KDM4B: variants seen among roughly 807,000 people sequenced by gnomAD.
KDM4B encodes lysine demethylase 4B.
In KDM4B, 32 loss-of-function variants were observed where a neutral mutation model predicts 125.2. The ratio of observed to expected loss-of-function variants is 0.26; its 90% CI spans 0.19 to 0.34. KDM4B has a LOEUF of 0.34. KDM4B is among the 10% of genes least tolerant of loss of function. The pLI is 1.00. For missense variants in KDM4B, 1,190 were observed against 1,577.7 expected, an observed-to-expected ratio of 0.75 and a Z score of 4.16; for synonymous variants, 721 against 677.9, an observed-to-expected ratio of 1.06 and a Z score of -0.99.
Position 5,082,209 on chromosome 19 carries a change from G to GCCCTGGAGC in KDM4B, c.781-147_781-139dup, listed in dbSNP as rs1363054248. On this transcript the variant is annotated intron_variant, in intron 8 of 22. Transcript: ENST00000159111. The surrounding 1 kb of genome is among the most constrained non-coding windows in gnomAD (Gnocchi z 5.4). ...TGAGCCGCGTGGGAAATGGGCTGGAGCCCTGGAGCCCCTGGAGCCGCTGGA... is the reference window on the plus strand; with the variant it reads ...TGAGCCGCGTGGGAAATGGGCTGGAGCCCTGGAGCCCCTGGAGCCCCTGGAGCCGCTGGA... Among the ~76,000 whole-genome samples the GCCCTGGAGC allele has an allele frequency of 2.0e-5, 3 of 152,300 alleles. No individual in the cohort carries two copies. The East Asian group carries it at 5.8e-4, about 29-fold the overall frequency.
intron 9 of KDM4B, among the ~76,000 whole-genome samples, chr19:5,091,822 G>A (rs1178171747): frequency 6.6e-6 from 1 of 152,178 alleles, no homozygotes; most frequent in African/African-American, 2.4e-5. Flanking sequence ...ACCCGCTGGA[G>A]CCCACGGCTG....
At chr19:5,113,769 G>A in intron 10 of KDM4B, 1 of 482,018 alleles carries the variant, frequency 2.1e-6, no homozygotes, top group Non-Finnish European at 2.7e-6. Context: ...CCCCGCGTGG[G>A]AACCCCTGCC....
chr19:4,986,676 G>C (rs1296115065), intron 1 of KDM4B, among the ~76,000 whole-genome samples: 3 of 152,226 alleles, frequency 2.0e-5, no homozygotes, highest in Non-Finnish European at 4.4e-5. Context: ...GGGGAACAGG[G>C]AGGGCCTCTC....
intron 6 of KDM4B, among the ~76,000 whole-genome samples, chr19:5,058,668 C>G (rs1175089684): frequency 2.0e-5 from 3 of 152,244 alleles, no homozygotes; most frequent in Non-Finnish European, 4.4e-5. Context: ...GTGCTGAGTC[C>G]TGTCTGCGGC....
intron 10 of KDM4B, among the ~76,000 whole-genome samples, chr19:5,118,017 G>C (rs915350727): frequency 6.6e-6 from 1 of 152,150 alleles, no homozygotes; most frequent in African/African-American, 2.4e-5. Flanking sequence ...GGGCAGAGTG[G>C]CTGGGAGCAG....
chr19:5,087,457 C>G (rs754947831), intron 9 of KDM4B, among the ~76,000 whole-genome samples: 1 of 152,234 alleles, frequency 6.6e-6, no homozygotes, highest in Non-Finnish European at 1.5e-5. Context: ...CCAGTGGTGA[C>G]AACCACAGAG....
chr19:5,042,329 GTC>G (rs1010455932), intron 5 of KDM4B, among the ~76,000 whole-genome samples: 2 of 152,132 alleles, frequency 1.3e-5, no homozygotes, highest in African/African-American at 4.8e-5. Flanking sequence ...GGCAAAACCT[GTC>G]TCTACTAAAA....
At chr19:5,117,583 C>T (rs2039281660) in intron 10 of KDM4B, among the ~76,000 whole-genome samples, 1 of 152,186 alleles carries the variant, frequency 6.6e-6, no homozygotes, top group Admixed American at 6.5e-5. Context: ...CCTGCTGTCT[C>T]CATCTGGGGC....
intron 11 of KDM4B, 128 bp downstream of exon 11, chr19:5,119,980 G>C: frequency 8.3e-7 from 1 of 1,206,030 alleles, no homozygotes; most frequent in Non-Finnish European, 1.1e-6. Context: ...TGGCTTTCTT[G>C]CCAGGGTGGG....
chr19:5,111,882 T>G (rs752482672), intron 10 of KDM4B: 9 of 754,520 alleles, frequency 1.2e-5, no homozygotes, highest in African/African-American at 3.4e-5. Flanking sequence ...AAGCTTTGTT[T>G]ACAGACCCTG....
chr19:5,147,004 G>A (rs1322879695), intron 21 of KDM4B, among the ~76,000 whole-genome samples: 3 of 147,402 alleles, frequency 2.0e-5, no homozygotes, highest in African/African-American at 5.0e-5. Flanking sequence ...TCTAGTACAC[G>A]GCAGGATGGG....
intron 22 of KDM4B, among the ~76,000 whole-genome samples, chr19:5,150,782 T>C (rs955550886): frequency 1.3e-5 from 2 of 152,170 alleles, no homozygotes; most frequent in African/African-American, 4.8e-5. Context: ...TGCCCCACCC[T>C]GCACAGGGCG....
At chr19:5,050,472 G>A (rs2037185137) in intron 6 of KDM4B, among the ~76,000 whole-genome samples, 1 of 152,234 alleles carries the variant, frequency 6.6e-6, no homozygotes, top group African/African-American at 2.4e-5. Flanking sequence ...AGGTGGGTGT[G>A]GGGAGGGTCC....
intron 6 of KDM4B, among the ~76,000 whole-genome samples, chr19:5,048,510 C>G (rs2037108409): frequency 6.6e-6 from 1 of 152,120 alleles, no homozygotes; most frequent in Admixed American, 6.5e-5. Flanking sequence ...CCAGGCCGTC[C>G]TCGCGCTGGA....
chr19:5,027,764 C>G (rs2036326558), intron 2 of KDM4B, among the ~76,000 whole-genome samples: 1 of 152,144 alleles, frequency 6.6e-6, no homozygotes, highest in Non-Finnish European at 1.5e-5. Flanking sequence ...TGGTCACGAA[C>G]TCCTGACCTC....
chr19:5,061,845 AAAC>A (rs1051653708), intron 6 of KDM4B, among the ~76,000 whole-genome samples: 9 of 152,040 alleles, frequency 5.9e-5, no homozygotes, highest in Non-Finnish European at 8.8e-5. Context: ...AAAAAACAAA[AAAC>A]AACAACAAAA....
chr19:4,982,989 C>T (rs944445252), intron 1 of KDM4B, among the ~76,000 whole-genome samples: 1 of 152,086 alleles, frequency 6.6e-6, no homozygotes, highest in African/African-American at 2.4e-5. Flanking sequence ...TTTCTGGTAG[C>T]TGAGTTAAAA....
chr19:5,008,070 G>C (rs2035616305), intron 1 of KDM4B, among the ~76,000 whole-genome samples: 1 of 152,180 alleles, frequency 6.6e-6, no homozygotes, highest in Non-Finnish European at 1.5e-5. Context: ...GAGGCCAGGA[G>C]TTTGAGACCA....
chr19:5,079,592 C>T (rs912670994), intron 8 of KDM4B, among the ~76,000 whole-genome samples: 1 of 152,206 alleles, frequency 6.6e-6, no homozygotes, highest in Admixed American at 6.5e-5. Context: ...GTCTGCCTGA[C>T]GCATGCCTGC....
Sources: allele counts gnomAD v4.1 joint callset (sites outside exome capture counted in the v4.1 genomes callset), GRCh38; gene constraint gnomAD v4.1.1; non-coding constraint Gnocchi (gnomAD v3.1); transcripts MANE v1.5; gene names NCBI Gene and HGNC (gene_info 2026-07-23, HGNC 2026-07-21).